The following STX11 variants were observed in gnomAD, a reference collection of about 807,000 sequenced individuals.
STX11 encodes syntaxin 11, also known as syntaxin-11.
Under a neutral mutation model 19.9 loss-of-function variants are expected in STX11, and 21 were observed. The observed-to-expected ratio is 1.06, with a 90% confidence interval of 0.75 to 1.52. The LOEUF (loss-of-function observed/expected upper bound fraction) is 1.52, where lower values mean the gene tolerates loss of function less well. Ranked by LOEUF, STX11 falls within the 40% of genes most tolerant of loss-of-function variation. The pLI is 0.00. For synonymous variants in STX11, 193 were observed against 174.4 expected (o/e 1.11, Z -0.84); for missense variants, 438 against 405.9 (o/e 1.08, Z -0.68).
At position 144,167,525 on chromosome 6, in the gene STX11, G is replaced by A. The variant is rs1801515141; in HGVS notation, c.-6+16822G>A. Among the ~76,000 whole-genome samples, 1 of 152,344 alleles carries A rather than the reference G, an allele frequency of 6.6e-6. No individual in the cohort carries two copies. The highest frequency in any genetic ancestry group is 2.1e-4 in the South Asian group (1 of 4,826). On this transcript the variant is annotated intron_variant, in intron 1 of 1. Transcript: ENST00000367568. This position sits in a 1 kb window ranked among gnomAD's most constrained non-coding sequence, Gnocchi z 5.0. ...AGGTGTCACTATCTCAGGCACCCAC[G>A]TGGACAATCTGTGCTTGCTTGGTAT...
rs1237672452 is a variant in STX11 at position 144,175,866 on chromosome 6, C to T, written c.-5-10757C>T. Among the ~76,000 whole-genome samples, 1 of 152,116 alleles carries T rather than the reference C, an allele frequency of 6.6e-6. No homozygotes were observed. The highest frequency in any genetic ancestry group is 2.4e-5 in the African/African-American group (1 of 41,414). On this transcript the variant is annotated intron_variant, in intron 1 of 1. Coordinates refer to ENST00000367568, the MANE Select transcript of STX11 (RefSeq NM_003764.4). This position sits in a 1 kb window ranked among gnomAD's most constrained non-coding sequence, Gnocchi z 5.1. ...GAGGCCAAAGGGTCTCGTTAGTGAC[C>T]GATAAAGACAAGGTTGGAAGATGTG...
At position 144,175,159 on chromosome 6, in the gene STX11, G is replaced by T. The variant is rs926748331; in HGVS notation, c.-5-11464G>T. On this transcript the variant is annotated intron_variant, in intron 1 of 1. Transcript: ENST00000367568. This position sits in a 1 kb window ranked among gnomAD's most constrained non-coding sequence, Gnocchi z 5.1. ...CAGCTACTCAGGAGGCTTAGGCATT[G>T]CTAAACATAGGAGGCAGAGGCTGCA... 1.3e-5 allele frequency among the ~76,000 whole-genome samples: 2 copies of T among 152,074 alleles called. No individual in the cohort carries two copies. Among genetic ancestry groups the T allele is most frequent in the Non-Finnish European group, 2.9e-5 (2 of 68,008 alleles).
At chr6:144,164,077 C>T (rs1801415421) in intron 1 of STX11, among the ~76,000 whole-genome samples, 1 of 152,196 alleles carries the variant, frequency 6.6e-6, no homozygotes, top group East Asian at 1.9e-4. Flanking sequence ...CATATCATGC[C>T]TGGCACATAA....
In STX11 at chr6:144,186,999, G is replaced by A. The variant is rs776802056; in HGVS notation, c.372G>A (p.Val124=). ...AEAQHGPHSA[V]ARISRAQYNA... ...CCCAGCACGGCCCGCACTCGGCAGT[G>A]GCGCGCATTTCGCGGGCGCAGTACA... Residue 124 remains valine, a synonymous_variant, in exon 2 of 2, where the codon GTG becomes GTA. Transcript: ENST00000367568. The A allele has an allele frequency of 1.9e-6, 3 of 1,610,276 alleles. No homozygotes were observed. The highest frequency in any genetic ancestry group is 1.7e-6 in the Non-Finnish European group (2 of 1,179,708).
rs1801729989 is a variant in STX11 at position 144,174,570 on chromosome 6, G to A, written c.-5-12053G>A. 6.6e-6 allele frequency among the ~76,000 whole-genome samples: 1 copy of A among 151,840 alleles called. No homozygotes were observed. Among genetic ancestry groups the A allele is most frequent in the Admixed American group, 6.6e-5 (1 of 15,222 alleles). On this transcript the variant is annotated intron_variant, in intron 1 of 1. Coordinates refer to ENST00000367568, the MANE Select transcript of STX11 (RefSeq NM_003764.4). This position sits in a 1 kb window ranked among gnomAD's most constrained non-coding sequence, Gnocchi z 5.3. ...TTTTTGTAGAGCTGGATTTTGCCCT[G>A]TTACCCAGGCTGGTCTTGAACTCCT...
At position 144,187,683 on chromosome 6, in the gene STX11, C is replaced by A; in HGVS notation, c.*192C>A. The A allele has an allele frequency of 1.4e-6, 1 of 710,408 alleles. No homozygotes were observed. The highest frequency in any genetic ancestry group is 2.4e-6 in the Non-Finnish European group (1 of 421,626). 44.0% of individuals were successfully genotyped at this position (710,408 alleles called of 1,614,324 possible). A position where few individuals can be genotyped will look rare whatever the true frequency, so the allele number is the denominator to read the frequency against. ...GGAAAGATGGTTAGTTGATACCGTC[C>A]GATGATTCTTCAGTAAAGATAGATT... is the stretch of plus-strand genomic sequence containing the variant. On this transcript the variant is annotated 3_prime_UTR_variant, in exon 2 of 2. Coordinates refer to ENST00000367568, the MANE Select transcript of STX11 (RefSeq NM_003764.4). This position sits in a 1 kb window ranked among gnomAD's most constrained non-coding sequence, Gnocchi z 5.6.
At position 144,190,712 on chromosome 6, in the gene STX11, G is replaced by A. The variant is rs956917881; in HGVS notation, c.*3221G>A. Among the ~76,000 whole-genome samples the A allele has an allele frequency of 4.6e-5, 7 of 152,110 alleles. No homozygotes were observed. The highest frequency in any genetic ancestry group is 8.8e-5 in the Non-Finnish European group (6 of 68,034). ...CACGTAAGCAGGAAGCAGCTGTTCT[G>A]CTCAGCTTGGCAGGTGTTCTTTCCT... On this transcript the variant is annotated 3_prime_UTR_variant, in exon 2 of 2. Transcript: ENST00000367568.
At position 144,151,914 on chromosome 6, in the gene STX11, C is replaced by G. The variant is rs950262654; in HGVS notation, c.-6+1211C>G. Among the ~76,000 whole-genome samples the G allele has an allele frequency of 5.3e-5, 8 of 152,134 alleles. No homozygotes were observed. Among genetic ancestry groups the G allele is most frequent in the African/African-American group, 1.9e-4 (8 of 41,426 alleles). On this transcript the variant is annotated intron_variant, in intron 1 of 1. Transcript: ENST00000367568. The surrounding 1 kb of genome is among the most constrained non-coding windows in gnomAD (Gnocchi z 4.6). ...GGTAACAGCCCTTAGGAAGGGACTG[C>G]ACACTATCTCAACACGGTAGAGAAG...
In STX11 at chr6:144,167,003, C is replaced by T. The variant is rs1255042883; in HGVS notation, c.-6+16300C>T. 6.6e-6 allele frequency among the ~76,000 whole-genome samples: 1 copy of T among 152,106 alleles called. No individual in the cohort carries two copies. The highest frequency in any genetic ancestry group is 2.4e-5 in the African/African-American group (1 of 41,414). On this transcript the variant is annotated intron_variant, in intron 1 of 1. Transcript: ENST00000367568. This position sits in a 1 kb window ranked among gnomAD's most constrained non-coding sequence, Gnocchi z 5.0. ...TGGCCCTGCATCTCTGAGGGATGCCCCTGGGAAGAAGAAACCCCAGAGAGC... is the reference window on the plus strand; with the variant it reads ...TGGCCCTGCATCTCTGAGGGATGCCTCTGGGAAGAAGAAACCCCAGAGAGC...
upstream of STX11, among the ~76,000 whole-genome samples, chr6:144,149,950 G>A (rs1800950346): frequency 6.6e-6 from 1 of 152,082 alleles, no homozygotes; most frequent in South Asian, 2.1e-4. The surrounding 1 kb of genome is among the most constrained non-coding windows in gnomAD (Gnocchi z 5.1). Flanking sequence ...GGCACACAAG[G>A]GGACGCTCAG....
intron 1 of STX11, among the ~76,000 whole-genome samples, chr6:144,164,780 A>C (rs1356629560): frequency 6.6e-6 from 1 of 152,172 alleles, no homozygotes; most frequent in Non-Finnish European, 1.5e-5. Context: ...TGCAACCTCC[A>C]TCTCATGGGT....
rs11966095 is a variant in STX11 at position 144,153,871 on chromosome 6, G to T, written c.-6+3168G>T. On this transcript the variant is annotated intron_variant, in intron 1 of 1. Transcript: ENST00000367568. This position sits in a 1 kb window ranked among gnomAD's most constrained non-coding sequence, Gnocchi z 5.0. The stretch of plus-strand genomic sequence containing the variant: ...TGACTAGGATAAGAATATCCTACTC[G>T]GTGGAAGAATAGGTTTGGGCTAAAG... Among the ~76,000 whole-genome samples, 2 of 152,224 alleles carry T rather than the reference G, an allele frequency of 1.3e-5. No individual in the cohort carries two copies. The highest frequency in any genetic ancestry group is 1.5e-5 in the Non-Finnish European group (1 of 68,014).
rs1802186162 is a variant in STX11, at chr6:144,190,436, C to T, written c.*2945C>T. ...TATTGTTGTTATTATGTAATTTTCT[C>T]TCAGACTGAGAGCACTGTTAGTGAC... On this transcript the variant is annotated 3_prime_UTR_variant, in exon 2 of 2. Transcript: ENST00000367568. 6.6e-6 allele frequency among the ~76,000 whole-genome samples: 1 copy of T among 152,168 alleles called. No homozygotes were observed. The highest frequency in any genetic ancestry group is 1.5e-5 in the Non-Finnish European group (1 of 68,030).
At position 144,151,483 on chromosome 6, in the gene STX11, T is replaced by A. The variant is rs1423392994; in HGVS notation, c.-6+780T>A. The A allele has an allele frequency of 1.0e-6, 1 of 964,320 alleles. No individual in the cohort carries two copies. Among genetic ancestry groups the A allele is most frequent in the African/African-American group, 1.8e-5 (1 of 56,794 alleles). 59.7% of individuals were successfully genotyped at this position (964,320 alleles called of 1,614,324 possible). A position where few individuals can be genotyped will look rare whatever the true frequency, so the allele number is the denominator to read the frequency against. On this transcript the variant is annotated intron_variant, in intron 1 of 1. Coordinates refer to ENST00000367568, the MANE Select transcript of STX11 (RefSeq NM_003764.4). This position sits in a 1 kb window ranked among gnomAD's most constrained non-coding sequence, Gnocchi z 4.6. ...TGAACTTTTGAAAAGCGAGGCTTGC[T>A]TTAAAATGAGACTCTAGATGTGAAA... is the stretch of plus-strand genomic sequence containing the variant.
intron 1 of STX11, among the ~76,000 whole-genome samples, chr6:144,171,734 T>G (rs1157351522): frequency 6.6e-6 from 1 of 151,596 alleles, no homozygotes; most frequent in African/African-American, 2.4e-5. Context: ...TTTTTTCTCC[T>G]CACCGTAAGT....
rs149740241 is a variant in STX11, at chr6:144,189,025, CT to C, written c.*1540del. On this transcript the variant is annotated 3_prime_UTR_variant, in exon 2 of 2. Coordinates refer to ENST00000367568, the MANE Select transcript of STX11 (RefSeq NM_003764.4). ...ACAGGTGTGAGCCACCATGCCTGGC[CT>C]TTTTTCCCCCCTTTTGAGACAGGGT... Among the ~76,000 whole-genome samples the C allele has an allele frequency of 3.3e-5, 5 of 150,946 alleles. No individual in the cohort carries two copies. Among genetic ancestry groups the C allele is most frequent in the Admixed American group, 2.0e-4 (3 of 15,182 alleles).
rs1277745518 is a variant in STX11, at chr6:144,153,984, T to C, written c.-6+3281T>C. 3.3e-5 allele frequency among the ~76,000 whole-genome samples: 5 copies of C among 152,240 alleles called. No individual in the cohort carries two copies. The highest frequency in any genetic ancestry group is 1.2e-4 in the African/African-American group (5 of 41,466). The stretch of plus-strand genomic sequence containing the variant: ...AATGCTAGTAATAGCTAAAATTTAT[T>C]GAGTGCTTATTAAGGGCCATGTACT... On this transcript the variant is annotated intron_variant, in intron 1 of 1. Coordinates refer to ENST00000367568, the MANE Select transcript of STX11 (RefSeq NM_003764.4). The surrounding 1 kb of genome is among the most constrained non-coding windows in gnomAD (Gnocchi z 5.0).
Position 144,152,663 on chromosome 6 carries a change from C to T in STX11, c.-6+1960C>T, listed in dbSNP as rs1372718759. Reference sequence around the variant, plus strand: ...TGTTTTGTTTTTTGAGACAGAGTCTCACTCTGTTGCCCCAGGCTGGAGTGT... The same window carrying T: ...TGTTTTGTTTTTTGAGACAGAGTCTTACTCTGTTGCCCCAGGCTGGAGTGT... On this transcript the variant is annotated intron_variant, in intron 1 of 1. Transcript: ENST00000367568. The surrounding 1 kb of genome is among the most constrained non-coding windows in gnomAD (Gnocchi z 4.9). Among the ~76,000 whole-genome samples, 1 of 152,190 alleles carries T rather than the reference C, an allele frequency of 6.6e-6. No individual in the cohort carries two copies. Among genetic ancestry groups the T allele is most frequent in the Non-Finnish European group, 1.5e-5 (1 of 68,038 alleles).
chr6:144,165,740 C>T lies in STX11; in HGVS notation c.-6+15037C>T, dbSNP rs891638961. ...TTCAATAAGCTACCTGATAAATTAA[C>T]TGATTATGGATGGTAGTAGTTCAAA... On this transcript the variant is annotated intron_variant, in intron 1 of 1. Coordinates refer to ENST00000367568, the MANE Select transcript of STX11 (RefSeq NM_003764.4). The surrounding 1 kb of genome is among the most constrained non-coding windows in gnomAD (Gnocchi z 5.8). 6.6e-6 allele frequency among the ~76,000 whole-genome samples: 1 copy of T among 152,148 alleles called. No individual in the cohort carries two copies. Among genetic ancestry groups the T allele is most frequent in the Non-Finnish European group, 1.5e-5 (1 of 68,020 alleles).
Sources: gnomAD v4.1 joint callset for allele counts (sites outside exome capture counted in the v4.1 genomes callset) on GRCh38, gnomAD v4.1.1 for gene constraint, Gnocchi (gnomAD v3.1) non-coding constraint, MANE v1.5 for transcripts, NCBI Gene and HGNC (gene_info 2026-07-23, HGNC 2026-07-21) for gene names.